The following PIGN variants were observed in gnomAD, a reference collection of about 807,000 sequenced individuals.
The protein encoded by PIGN is phosphatidylinositol glycan anchor biosynthesis class N.
PIGN carries 117 observed loss-of-function variants against 125.4 expected under a neutral mutation model. The ratio of observed to expected loss-of-function variants is 0.93; its 90% confidence interval spans 0.80 to 1.09. The LOEUF (loss-of-function observed/expected upper bound fraction) is 1.09, where lower values mean the gene tolerates loss of function less well. Among genes scored for constraint, PIGN ranks in the 50% least tolerant of loss-of-function variants. The pLI is 0.00. For missense variants in PIGN, 1,075 were observed against 1,094.9 expected (o/e 0.98, Z 0.26); for synonymous variants, 392 against 377.8 (o/e 1.04, Z -0.44).
intron 14 of PIGN, among the ~76,000 whole-genome samples, chr18:62,121,526 C>A (rs565494451): frequency 7.9e-5 from 12 of 152,044 alleles, no homozygotes; most frequent in African/African-American, 2.9e-4. Context: ...AAGGGCACAA[C>A]CTTTTGCAGG....
chr18:62,131,427 A>G (rs184324241), intron 14 of PIGN, among the ~76,000 whole-genome samples: 40 of 147,222 alleles, frequency 2.7e-4, no homozygotes, highest in African/African-American at 8.3e-4. Flanking sequence ...AAAGTATACA[A>G]TTTTAAACAT....
intron 28 of PIGN, chr18:62,075,840 T>A (rs2033142481): frequency 6.6e-6 from 1 of 152,232 alleles, no homozygotes; most frequent in Non-Finnish European, 1.5e-5. Context: ...GAGAGCAATT[T>A]CCTTACATCC....
downstream of PIGN, among the ~76,000 whole-genome samples, chr18:62,036,207 GT>G (rs377426262): frequency 2.5e-4 from 38 of 151,696 alleles, no homozygotes; most frequent in East Asian, 4.5e-3. Flanking sequence ...GGGAAGATGA[GT>G]TTTTTTTCTT....
chr18:62,067,008 T>C (rs2032557734), intron 30 of PIGN, among the ~76,000 whole-genome samples: 1 of 152,228 alleles, frequency 6.6e-6, no homozygotes, highest in Non-Finnish European at 1.5e-5. Flanking sequence ...CCTCCAATTC[T>C]ACTTATGCAT....
At chr18:62,119,777 G>A (rs1381825309) in intron 14 of PIGN, among the ~76,000 whole-genome samples, 1 of 150,910 alleles carries the variant, frequency 6.6e-6, no homozygotes, top group Non-Finnish European at 1.5e-5. Context: ...CTGAGAGGCA[G>A]AGGTTGCAGT....
chr18:62,020,092 TAGG>T (rs1262081287), intron 23 of PIGN, among the ~76,000 whole-genome samples: 1 of 152,162 alleles, frequency 6.6e-6, no homozygotes, highest in Non-Finnish European at 1.5e-5. Flanking sequence ...TACTCCTTTG[TAGG>T]ACAAAAAAGA....
At position 62,116,482 on chromosome 18, in the gene PIGN, C is replaced by A. The variant is rs1419815388; in HGVS notation, c.1173-1843G>T. Among the ~76,000 whole-genome samples, 4 of 152,172 alleles carry A rather than the reference C, an allele frequency of 2.6e-5. No homozygotes were observed. The East Asian group carries it at 7.7e-4, about 29-fold the overall frequency. ...TATCGCAAATGTGTACCCTCAGCTGCATAATGGTGAAACTCTTCAAGCTTC... is the reference window on the plus strand; with the variant it reads ...TATCGCAAATGTGTACCCTCAGCTGAATAATGGTGAAACTCTTCAAGCTTC... On this transcript the variant is annotated intron_variant, in intron 14 of 30. Coordinates refer to ENST00000640252, the MANE Select transcript of PIGN (RefSeq NM_176787.5).
At chr18:62,135,790 C>T (rs2035910109) in intron 14 of PIGN, 1 of 151,892 alleles carries the variant, frequency 6.6e-6, no homozygotes, top group Admixed American at 6.6e-5. Context: ...CCATGCCTGG[C>T]TCATTTTTAT....
At chr18:62,167,594 T>C (rs1486064949) in intron 1 of PIGN, among the ~76,000 whole-genome samples, 2 of 146,802 alleles carry the variant, frequency 1.4e-5, no homozygotes, top group Admixed American at 1.4e-4. Context: ...ATCGCACCAC[T>C]GCACTCCAGC....
intron 23 of PIGN, among the ~76,000 whole-genome samples, chr18:62,021,222 T>C (rs13381764): frequency 0.27 from 40,525 of 152,116 alleles, 6,274 homozygotes; most frequent in African/African-American, 0.42. Flanking sequence ...GCTTTACTTA[T>C]TAAAAACCGC....
intron 1 of PIGN, among the ~76,000 whole-genome samples, chr18:62,175,328 G>C (rs1038804575): frequency 2.0e-5 from 3 of 151,670 alleles, no homozygotes; most frequent in Non-Finnish European, 4.4e-5. Context: ...ACAAATTGTA[G>C]AACATTTCAC....
At chr18:62,143,162 G>T in intron 11 of PIGN, 144 bp downstream of exon 11, 1 of 562,868 alleles carries the variant, frequency 1.8e-6, no homozygotes, top group South Asian at 2.6e-5. Flanking sequence ...TAAAATATTT[G>T]CACTAAAAGA....
chr18:62,036,457 T>G (rs2030262257), downstream of PIGN, among the ~76,000 whole-genome samples: 1 of 151,884 alleles, frequency 6.6e-6, no homozygotes, highest in Admixed American at 6.6e-5. Context: ...AAAAGGAGAG[T>G]GGATACTGGG....
chr18:62,140,509 G>C, intron 11 of PIGN, 30 bp from the exon 12 acceptor site: 1 of 1,178,744 alleles, frequency 8.5e-7, no homozygotes, highest in Non-Finnish European at 1.2e-6. Flanking sequence ...ATTCTAAGAA[G>C]TCTATGGACA....
Position 62,185,356 on chromosome 18 carries a change from A to T in PIGN, c.-236+1488T>A, listed in dbSNP as rs190301234. On this transcript the variant is annotated intron_variant, in intron 1 of 30. Transcript: ENST00000640252. The stretch of plus-strand genomic sequence containing the variant: ...TAATATATGGCACAGAAAACTATTT[A>T]TCATTAAAACATTGGGAACTAATGT... 7.1e-3 allele frequency among the ~76,000 whole-genome samples: 1,085 copies of T among 152,288 alleles called. 14 individuals carry two copies. The highest frequency in any genetic ancestry group is 0.025 in the African/African-American group (1,036 of 41,548).
chr18:62,081,062 A>AT lies in PIGN; in HGVS notation c.2576+1610dup, dbSNP rs554189295. ...TCTACTTCACTTTTGTTCAATACAC[A>AT]TTTTAAGGAGTGAGTCGGAAGAGAA... On this transcript the variant is annotated intron_variant, in intron 28 of 30. Transcript: ENST00000640252. 2.1e-3 allele frequency among the ~76,000 whole-genome samples: 319 copies of AT among 152,318 alleles called. 1 individual carries two copies. Among genetic ancestry groups the AT allele is most frequent in the Middle Eastern group, 6.8e-3 (2 of 294 alleles).
At chr18:62,074,705 A>G (rs2033078369) in intron 29 of PIGN, 74 bp downstream of exon 29, 5 of 908,380 alleles carry the variant, frequency 5.5e-6, no homozygotes, top group Middle Eastern at 3.2e-4. Flanking sequence ...ACCAAAATGC[A>G]TTCATATTTC....
chr18:62,099,367 T>C (rs889601941), intron 22 of PIGN, among the ~76,000 whole-genome samples: 2 of 152,124 alleles, frequency 1.3e-5, no homozygotes, highest in Admixed American at 1.3e-4. Context: ...ACAATGATAA[T>C]GTAATAGTTA....
intron 24 of PIGN, among the ~76,000 whole-genome samples, chr18:62,090,073 T>C (rs1438903001): frequency 3.3e-5 from 5 of 152,156 alleles, no homozygotes; most frequent in Admixed American, 1.3e-4. Flanking sequence ...GAAACGTAAA[T>C]GTCACCTTAT....
Sources: allele counts gnomAD v4.1 joint callset (sites outside exome capture counted in the v4.1 genomes callset), GRCh38; gene constraint gnomAD v4.1.1; transcripts MANE v1.5; gene names NCBI Gene and HGNC (gene_info 2026-07-23, HGNC 2026-07-21).